The following SEC23B variants were observed in gnomAD, a reference collection of about 807,000 sequenced individuals.
SEC23B encodes the protein protein transport protein Sec23B.
In SEC23B, 77 loss-of-function variants were observed where a neutral mutation model predicts 104.3. That is an observed-to-expected ratio of 0.74 (90% CI 0.61 to 0.89). The LOEUF is 0.89. SEC23B is among the 40% of genes least tolerant of loss of function. The pLI is 0.00. For synonymous variants in SEC23B, 338 were observed against 332.5 expected (o/e 1.02, Z -0.18); for missense variants, 885 against 949.4 (o/e 0.93, Z 0.89).
chr20:18,530,864 A>G lies in SEC23B; in HGVS notation c.1233+61A>G, dbSNP rs370491840. ...ACTGTACTGCCCAGGCTGGTCTCAA[A>G]CTCCTGGTCTCAGGCAATTTTCCCG... On this transcript the variant is annotated intron_variant, in intron 10 of 19. Transcript: ENST00000650089. The G allele has an allele frequency of 2.3e-4, 323 of 1,377,518 alleles. No homozygotes were observed. In the African/African-American group the frequency reaches 3.7e-3, roughly 16 times the overall value. 85.3% of individuals were successfully genotyped at this position (1,377,518 alleles called of 1,614,324 possible).
chr20:18,547,953 A>G, intron 15 of SEC23B, among the ~76,000 whole-genome samples: 1 of 152,114 alleles, frequency 6.6e-6, no homozygotes, highest in Middle Eastern at 3.4e-3. Context: ...AAAAATTTTT[A>G]ATTTTTAATT....
At chr20:18,527,412 T>C (rs943080055) in intron 8 of SEC23B, 84 bp from the exon 9 acceptor site, 9 of 825,112 alleles carry the variant, frequency 1.1e-5, no homozygotes, top group Middle Eastern at 2.2e-4. Context: ...CATGTTTTTA[T>C]ATTTGATTAC....
At chr20:18,529,375 G>A (rs2060163170) in intron 9 of SEC23B, among the ~76,000 whole-genome samples, 1 of 152,226 alleles carries the variant, frequency 6.6e-6, no homozygotes, top group South Asian at 2.1e-4. Flanking sequence ...CCCAATGCTG[G>A]AGGAGTTCAA....
At chr20:18,555,227 T>A in intron 19 of SEC23B, 54 bp downstream of exon 19, 3 of 1,429,510 alleles carry the variant, frequency 2.1e-6, no homozygotes, top group Non-Finnish European at 3.0e-6. Context: ...TTTTTTAAAC[T>A]TGTTTTAAAA....
chr20:18,531,268 TG>T (rs1165761415), intron 10 of SEC23B, among the ~76,000 whole-genome samples: 1 of 152,190 alleles, frequency 6.6e-6, no homozygotes, highest in Non-Finnish European at 1.5e-5. Flanking sequence ...AGCCACACGG[TG>T]GTCTGCATCC....
At position 18,513,411 on chromosome 20, in the gene SEC23B, A is replaced by G. The variant is rs534286070; in HGVS notation, c.279+1129A>G. 1.8e-3 allele frequency among the ~76,000 whole-genome samples: 276 copies of G among 152,274 alleles called. 3 individuals carry two copies. Among genetic ancestry groups the G allele is most frequent in the Admixed American group, 5.1e-3 (78 of 15,298 alleles). On this transcript the variant is annotated intron_variant, in intron 3 of 19. Transcript: ENST00000650089. ...AAAAGTGGATTGTGGTAATTATTGC[A>G]CAACTGTACGTTTTCTAAAAATCAT... is the stretch of plus-strand genomic sequence containing the variant.
chr20:18,554,006 G>A (rs2060411615), intron 17 of SEC23B, among the ~76,000 whole-genome samples: 1 of 152,072 alleles, frequency 6.6e-6, no homozygotes, highest in Admixed American at 6.5e-5. Flanking sequence ...AAGAGAGGAG[G>A]CATGAGTGAC....
intron 4 of SEC23B, among the ~76,000 whole-genome samples, chr20:18,517,299 T>C (rs2060038198): frequency 6.6e-6 from 1 of 152,142 alleles, no homozygotes; most frequent in African/African-American, 2.4e-5. Flanking sequence ...CAATGTTTTG[T>C]GGGCAGGAGG....
chr20:18,533,522 C>T (rs1481621272), intron 11 of SEC23B, among the ~76,000 whole-genome samples: 1 of 152,182 alleles, frequency 6.6e-6, no homozygotes. Flanking sequence ...GTATCCTTAT[C>T]TGGCAAATGG....
rs1339132305 is a variant in SEC23B at position 18,530,756 on chromosome 20, T to G, written c.1186T>G (p.Phe396Val). The G allele has an allele frequency of 6.2e-7, 1 of 1,613,720 alleles. No homozygotes were observed. Among genetic ancestry groups the G allele is most frequent in the African/African-American group, 1.3e-5 (1 of 74,918 alleles). ...QTFQRIFTKD[F>V]NGDFRMAFGA... is the part of the protein sequence containing the mutation. ...ATTCCAAAGAATCTTTACTAAAGAT[T>G]TTAATGGAGATTTCCGAATGGCATT... Residue 396 changes from phenylalanine to valine, a missense_variant, in exon 10 of 20, where the codon TTT becomes GTT. Physicochemically the swap from Phe to Val is conservative, Grantham distance 50. Coordinates refer to ENST00000650089, the MANE Select transcript of SEC23B (RefSeq NM_006363.6).
At chr20:18,518,581 G>GTTTTTT (rs2060052535) in intron 4 of SEC23B, among the ~76,000 whole-genome samples, 2 of 56,988 alleles carry the variant, frequency 3.5e-5, no homozygotes, top group Admixed American at 2.5e-4. Context: ...GCTGGAAGGA[G>GTTTTTT]GTTTTTTTTT....
chr20:18,535,842 T>G (rs1157729414), intron 12 of SEC23B, 100 bp downstream of exon 12: 17 of 896,522 alleles, frequency 1.9e-5, no homozygotes, highest in Non-Finnish European at 2.8e-5. Context: ...AAACCAATAT[T>G]CCTTGGGTAT....
chr20:18,554,943 G>T (rs1311806217), intron 18 of SEC23B, among the ~76,000 whole-genome samples, 165 bp from the exon 19 acceptor site: 1 of 149,652 alleles, frequency 6.7e-6, no homozygotes, highest in East Asian at 2.0e-4. Context: ...TTAAGCTAAA[G>T]AAATAGATTA....
chr20:18,545,887 A>G (rs1260399900), intron 14 of SEC23B, 69 bp from the exon 15 acceptor site: 2 of 914,916 alleles, frequency 2.2e-6, no homozygotes, highest in East Asian at 2.4e-5. Context: ...TTTCCAGGTA[A>G]TGCTAACTTA....
At chr20:18,507,669 G>T (rs2059940982), upstream of SEC23B, 1 of 152,306 alleles carries the variant, frequency 6.6e-6, no homozygotes, top group East Asian at 1.9e-4. Flanking sequence ...CTTAGGCAAC[G>T]GTGCGGCAGG....
At chr20:18,538,455 C>A (rs6045450) in intron 12 of SEC23B, among the ~76,000 whole-genome samples, 140,162 of 151,726 alleles carry the variant, frequency 0.92, 65,651 homozygotes, top group East Asian at 1. Flanking sequence ...GGGTTTCACC[C>A]TGTTAGCCAG....
rs1214890503 is a variant in SEC23B, at chr20:18,555,036, CTT to C, written c.2149-67_2149-66del. On this transcript the variant is annotated intron_variant, in intron 18 of 19. Coordinates refer to ENST00000650089, the MANE Select transcript of SEC23B (RefSeq NM_006363.6). Reference sequence around the variant, plus strand: ...CCAAACAAATGTTGTAAAAACTTATCTTTTTTCTGTTACATTAATATTAATGT... The same window carrying C: ...CCAAACAAATGTTGTAAAAACTTATCTTTTCTGTTACATTAATATTAATGT... The C allele has an allele frequency of 2.8e-5, 39 of 1,400,852 alleles. No homozygotes were observed. The Admixed American group carries it at 6.2e-4, about 22-fold the overall frequency. The allele number at this position is 1,400,852 out of a possible 1,614,324, so 86.8% of individuals were successfully genotyped here.
At chr20:18,560,620 C>T in intron 19 of SEC23B, 31 bp from the exon 20 acceptor site, 1 of 1,547,694 alleles carries the variant, frequency 6.5e-7, no homozygotes, top group Non-Finnish European at 8.9e-7. Context: ...TCTAAGATAT[C>T]TGCCAACTAA....
At chr20:18,528,959 T>C (rs2060158063) in intron 9 of SEC23B, among the ~76,000 whole-genome samples, 1 of 152,218 alleles carries the variant, frequency 6.6e-6, no homozygotes, top group Admixed American at 6.5e-5. Flanking sequence ...GAGAAGATTA[T>C]CTTCAGGGAA....
Sources: allele counts gnomAD v4.1 joint callset (sites outside exome capture counted in the v4.1 genomes callset), GRCh38; gene constraint gnomAD v4.1.1; transcripts MANE v1.5; gene names NCBI Gene and HGNC (gene_info 2026-07-23, HGNC 2026-07-21).